PNPLA8: variants seen among roughly 807,000 people sequenced by gnomAD.
PNPLA8 encodes the protein patatin like domain 8, phospholipase A2, also known as calcium-independent phospholipase A2-gamma.
A neutral mutation model predicts 76.9 loss-of-function variants in PNPLA8; 39 were observed. That is an observed-to-expected ratio of 0.51 (90% CI 0.39 to 0.66). The LOEUF (loss-of-function observed/expected upper bound fraction) is 0.66, where lower values mean the gene tolerates loss of function less well. Ranked by LOEUF, PNPLA8 falls within the 30% of genes least tolerant of loss-of-function variation. The pLI, the probability that PNPLA8 is intolerant of heterozygous loss-of-function variation, is 0.00. For synonymous variants in PNPLA8, 301 were observed against 307.9 expected, an observed-to-expected ratio of 0.98 and a Z score of 0.24; for missense variants, 887 against 918.0, an observed-to-expected ratio of 0.97 and a Z score of 0.44.
chr7:108,512,774 T>G (rs564063668), intron 4 of PNPLA8, among the ~76,000 whole-genome samples: 1 of 152,316 alleles, frequency 6.6e-6, no homozygotes, highest in African/African-American at 2.4e-5. Flanking sequence ...ACCTAGATTT[T>G]TATTCATAAT....
intron 7 of PNPLA8, among the ~76,000 whole-genome samples, chr7:108,492,588 ATTGT>A (rs1178877143): frequency 6.6e-6 from 1 of 152,122 alleles, no homozygotes; most frequent in East Asian, 1.9e-4. Flanking sequence ...AGCAATGGTA[ATTGT>A]TTATTTCCGA....
At position 108,526,085 on chromosome 7, in the gene PNPLA8, T is replaced by C. The variant is rs1314201955; in HGVS notation, c.-186A>G. On this transcript the variant is annotated 5_prime_UTR_variant, in exon 1 of 11. Coordinates refer to ENST00000257694, the MANE Select transcript of PNPLA8 (RefSeq NM_001256007.3). ...GCGGCGACTCGCTCGTTCCCGGCAA[T>C]GACGTCCACTCCAACCGGCCTGCAT... 4 of 985,530 alleles carry C rather than the reference T, an allele frequency of 4.1e-6. No individual in the cohort carries two copies. The highest frequency in any genetic ancestry group is 3.6e-6 in the Non-Finnish European group (3 of 830,048). 61.0% of individuals were successfully genotyped at this position (985,530 alleles called of 1,614,324 possible).
intron 10 of PNPLA8, among the ~76,000 whole-genome samples, chr7:108,475,061 T>A (rs1222886155): frequency 8.5e-5 from 13 of 152,212 alleles, no homozygotes; most frequent in Non-Finnish European, 1.5e-5. Context: ...GAGATTCTCA[T>A]AAGACTGCAA....
At chr7:108,511,060 G>C (rs960004720) in intron 4 of PNPLA8, 1 of 586,082 alleles carries the variant, frequency 1.7e-6, no homozygotes, top group South Asian at 2.1e-5. Flanking sequence ...AAAAAAAAAA[G>C]AAAACTGGTA....
intron 10 of PNPLA8, among the ~76,000 whole-genome samples, chr7:108,473,079 C>T (rs1859739549): frequency 6.6e-6 from 1 of 151,994 alleles, no homozygotes; most frequent in African/African-American, 2.4e-5. Flanking sequence ...TGTGTAAGCA[C>T]AACAATAATC....
chr7:108,477,371 T>TG (rs1298140028), intron 10 of PNPLA8, among the ~76,000 whole-genome samples: 1 of 152,232 alleles, frequency 6.6e-6, no homozygotes, highest in African/African-American at 2.4e-5. Context: ...AGCTTTTTTT[T>TG]GGTTTTCATT....
chr7:108,481,905 G>C (rs1860424728), intron 9 of PNPLA8, among the ~76,000 whole-genome samples: 1 of 152,164 alleles, frequency 6.6e-6, no homozygotes, highest in African/African-American at 2.4e-5. Context: ...GGGTCTAGGA[G>C]AAAAGACAGG....
intron 5 of PNPLA8, among the ~76,000 whole-genome samples, chr7:108,498,133 C>CAAA (rs58243908): frequency 7.5e-6 from 1 of 133,696 alleles, no homozygotes; most frequent in Non-Finnish European, 1.6e-5. Flanking sequence ...AAACAAAAAA[C>CAAA]AAAAAAAAAA....
intron 4 of PNPLA8, among the ~76,000 whole-genome samples, chr7:108,507,251 G>A (rs1470088786): frequency 6.8e-6 from 1 of 146,226 alleles, no homozygotes; most frequent in Non-Finnish European, 1.5e-5. Flanking sequence ...GCTGAGGCAG[G>A]AGAATCCCTT....
chr7:108,494,883 A>G (rs1861446556), intron 7 of PNPLA8, among the ~76,000 whole-genome samples: 1 of 152,220 alleles, frequency 6.6e-6, no homozygotes, highest in Admixed American at 6.5e-5. Context: ...ATTGAGGAAT[A>G]TCCCATAAGA....
intron 7 of PNPLA8, among the ~76,000 whole-genome samples, chr7:108,491,687 A>G (rs577946747): frequency 3.9e-5 from 6 of 152,230 alleles, no homozygotes; most frequent in Non-Finnish European, 8.8e-5. Flanking sequence ...AAGTATCTAC[A>G]GTTCTGAGGT....
At chr7:108,520,730 T>TA (rs771555000) in intron 2 of PNPLA8, among the ~76,000 whole-genome samples, 53 of 151,494 alleles carry the variant, frequency 3.5e-4, no homozygotes, top group South Asian at 1.2e-3. Flanking sequence ...ATATATCATT[T>TA]AAAAAAAAAT....
rs774961886 is a variant in PNPLA8 at position 108,496,738 on chromosome 7, T to A, written c.1471A>T (p.Met491Leu). 1 of 1,610,382 alleles carries A rather than the reference T, an allele frequency of 6.2e-7. No individual in the cohort carries two copies. The highest frequency in any genetic ancestry group is 8.5e-7 in the Non-Finnish European group (1 of 1,178,346). The change falls in exon 7 of 11, where the codon ATG becomes TTG. Residue 491 changes from methionine to leucine, a missense_variant. Coordinates refer to ENST00000257694, the MANE Select transcript of PNPLA8 (RefSeq NM_001256007.3). ...AAGGGCATATGAAACAACCCCAACA[T>A]GAAAGCTAATATGGCACCTGGAAAA... is the stretch of plus-strand genomic sequence containing the variant. ...GVSTGAILAFMLGLFHMPLDE... is the reference protein window; with the variant it reads ...GVSTGAILAFLLGLFHMPLDE...
chr7:108,477,150 A>C (rs560201387), intron 10 of PNPLA8, among the ~76,000 whole-genome samples: 1 of 152,242 alleles, frequency 6.6e-6, no homozygotes, highest in Non-Finnish European at 1.5e-5. Flanking sequence ...TACCAGGCAC[A>C]CACAAAATAG....
intron 5 of PNPLA8, among the ~76,000 whole-genome samples, chr7:108,499,054 T>G (rs1861760774): frequency 6.6e-6 from 1 of 152,216 alleles, no homozygotes; most frequent in African/African-American, 2.4e-5. Context: ...TAAGATATCT[T>G]ATGAAAGAGG....
At chr7:108,504,036 T>TA (rs1862152741) in intron 4 of PNPLA8, among the ~76,000 whole-genome samples, 1 of 152,162 alleles carries the variant, frequency 6.6e-6, no homozygotes, top group South Asian at 2.1e-4. Flanking sequence ...AGATGGTGGT[T>TA]AAGTGAACAC....
rs1330426837 is a variant in PNPLA8 at position 108,471,821 on chromosome 7, T to G, written c.*580A>C. 6.6e-6 allele frequency: 1 copy of G among 152,196 alleles called. No individual in the cohort carries two copies. The highest frequency in any genetic ancestry group is 2.1e-4 in the South Asian group (1 of 4,834). 9.4% of individuals were successfully genotyped at this position (152,196 alleles called of 1,614,324 possible). A position where few individuals can be genotyped will look rare whatever the true frequency, so the allele number is the denominator to read the frequency against. ...CAAACAATGTTAAAATAAACATATC[T>G]GAATAGAAAACTGTATCTGGTTCTT... On this transcript the variant is annotated 3_prime_UTR_variant, in exon 11 of 11. Coordinates refer to ENST00000257694, the MANE Select transcript of PNPLA8 (RefSeq NM_001256007.3).
intron 10 of PNPLA8, among the ~76,000 whole-genome samples, chr7:108,476,987 G>A (rs1860044543): frequency 6.6e-6 from 1 of 152,172 alleles, no homozygotes; most frequent in African/African-American, 2.4e-5. Context: ...CTGGGGAGTA[G>A]GGGAAATGGA....
intron 4 of PNPLA8, among the ~76,000 whole-genome samples, chr7:108,507,043 T>C (rs773018140): frequency 1.2e-4 from 18 of 152,046 alleles, no homozygotes; most frequent in Non-Finnish European, 2.5e-4. Flanking sequence ...AAATAGATCA[T>C]AGAAACAGGC....
Sources: gnomAD v4.1 joint callset for allele counts (sites outside exome capture counted in the v4.1 genomes callset) on GRCh38, gnomAD v4.1.1 for gene constraint, MANE v1.5 for transcripts, NCBI Gene and HGNC (gene_info 2026-07-23, HGNC 2026-07-21) for gene names.